Variants in ASB2 observed in about 807,000 individuals in gnomAD.
The protein encoded by ASB2 is ankyrin repeat and SOCS box containing 2.
A neutral mutation model predicts 62.4 loss-of-function variants in ASB2; 58 were observed. The observed-to-expected ratio is 0.93, with a 90% CI of 0.75 to 1.16. The LOEUF (loss-of-function observed/expected upper bound fraction) is 1.16. ASB2 is among the 50% of genes most tolerant of loss of function. The probability of loss-of-function intolerance (pLI) is 0.00; values close to 1 mark genes in which losing one functional copy is unlikely to be tolerated. For missense variants in ASB2, 928 were observed against 887.9 expected, an observed-to-expected ratio of 1.05 and a Z score of -0.57; for synonymous variants, 386 against 385.3, an observed-to-expected ratio of 1.00 and a Z score of -0.02.
chr14:93,938,657 G>T (rs569605474), intron 8 of ASB2, among the ~76,000 whole-genome samples: 5 of 152,298 alleles, frequency 3.3e-5, no homozygotes, highest in African/African-American at 1.2e-4. Context: ...GATCGTGCTT[G>T]TTTCACATCG....
chr14:93,974,953 C>T (rs1043703027), intron 1 of ASB2, among the ~76,000 whole-genome samples: 2 of 152,220 alleles, frequency 1.3e-5, no homozygotes, highest in Non-Finnish European at 2.9e-5. Flanking sequence ...CCTGTTTGTG[C>T]AAGAACAGAT....
chr14:93,970,889 A>G (rs1361979356), intron 1 of ASB2, among the ~76,000 whole-genome samples: 5 of 152,228 alleles, frequency 3.3e-5, no homozygotes, highest in African/African-American at 1.2e-4. Flanking sequence ...ATTAGGTGAC[A>G]GGTATAAATG....
At chr14:93,963,186 G>A (rs1016261895) in intron 2 of ASB2, among the ~76,000 whole-genome samples, 3 of 152,168 alleles carry the variant, frequency 2.0e-5, no homozygotes, top group Non-Finnish European at 2.9e-5. Context: ...ACTGCACATC[G>A]GAAAAAGTCT....
chr14:93,953,303 G>A, intron 5 of ASB2, 49 bp downstream of exon 5: 1 of 1,483,192 alleles, frequency 6.7e-7, no homozygotes, highest in East Asian at 2.4e-5. Flanking sequence ...TGCTCACCCA[G>A]CTTCTGGATT....
intron 8 of ASB2, 70 bp downstream of exon 8, chr14:93,939,038 C>A: frequency 7.5e-7 from 1 of 1,329,694 alleles, no homozygotes; most frequent in Admixed American, 3.4e-5. Flanking sequence ...CCGCCCGCCT[C>A]CCATGCGCGC....
Position 93,956,852 on chromosome 14 carries a change from C to G in ASB2, c.225G>C (p.Glu75Asp). The G allele has an allele frequency of 1.9e-6, 3 of 1,614,206 alleles. No homozygotes were observed. Among genetic ancestry groups the G allele is most frequent in the Non-Finnish European group, 2.5e-6 (3 of 1,180,020 alleles). Reference protein sequence around the residue: ...YPWTRSTAPPESSPARAPMGL... With the variant: ...YPWTRSTAPPDSSPARAPMGL... ...CCATTGGGGCCCGGGCCGGCGAACT[C>G]TCAGGAGGTGCAGTGGACCTGGAGG... The change falls in exon 3 of 10, where the codon GAG (glutamate) becomes GAC (aspartate). Residue 75 changes from glutamate (E) to aspartate (D), a missense_variant. By Grantham distance (45) the Glu-to-Asp change is conservative (BLOSUM62 2). Transcript: ENST00000555019.
rs1888215611 is a variant in ASB2, at chr14:93,934,788, A to G, written c.1776T>C (p.Pro592=). 1 of 1,613,022 alleles carries G rather than the reference A, an allele frequency of 6.2e-7. No homozygotes were observed. The highest frequency in any genetic ancestry group is 1.7e-5 in the Admixed American group (1 of 60,008). ...DWAVIKEKAE[P]PRPLAHLCRL... is the part of the protein sequence containing the mutation. Reference sequence around the variant, plus strand: ...GGCAAAGGTGAGCCAGAGGTCTTGGAGGTTCTGAAAAAAGGAGGGAAAGAC... The same window carrying G: ...GGCAAAGGTGAGCCAGAGGTCTTGGGGGTTCTGAAAAAAGGAGGGAAAGAC... Residue 592 remains proline, a synonymous_variant, in exon 10 of 10, where the codon CCT becomes CCC. Transcript: ENST00000555019.
intron 2 of ASB2, among the ~76,000 whole-genome samples, chr14:93,961,204 A>G (rs535051451): frequency 2.0e-5 from 3 of 152,200 alleles, no homozygotes; most frequent in Non-Finnish European, 4.4e-5. Flanking sequence ...TTTTCACAGG[A>G]ATACTGCAAG....
At chr14:93,947,615 C>A in intron 6 of ASB2, 95 bp from the exon 7 acceptor site, 1 of 1,212,128 alleles carries the variant, frequency 8.2e-7, no homozygotes. Flanking sequence ...CTGTGCTAAC[C>A]ACGGTAATGC....
chr14:93,967,233 C>A (rs935478060), intron 1 of ASB2, among the ~76,000 whole-genome samples: 13 of 152,240 alleles, frequency 8.5e-5, no homozygotes, highest in African/African-American at 3.1e-4. Context: ...TGGCTTCCCA[C>A]TCCTTTGTTG....
At chr14:93,955,949 C>A (rs1282842296) in intron 3 of ASB2, among the ~76,000 whole-genome samples, 1 of 152,162 alleles carries the variant, frequency 6.6e-6, no homozygotes, top group African/African-American at 2.4e-5. Flanking sequence ...TCTCCCTTTT[C>A]CAGATTGTCA....
Position 93,939,649 on chromosome 14 carries a change from A to G in ASB2, c.1076T>C (p.Val359Ala). Residue 359 changes from valine to alanine, a missense_variant, in exon 8 of 10, where the codon GTG becomes GCG. Transcript: ENST00000555019. The part of the protein sequence containing the change: ...NYRIVQMLLP[V>A]TSRTRIRRSG... ...ACGGCGTATGCGCGTGCGGCTGGTC[A>G]CCGGCAGCAGCATCTGCACGATCCT... 10 of 1,509,584 alleles carry G rather than the reference A, an allele frequency of 6.6e-6. No homozygotes were observed. Among genetic ancestry groups the G allele is most frequent in the Non-Finnish European group, 7.9e-6 (9 of 1,136,714 alleles). 93.5% of individuals were successfully genotyped at this position (1,509,584 alleles called of 1,614,324 possible). A position where few individuals can be genotyped will look rare whatever the true frequency, so the allele number is the denominator to read the frequency against.
At chr14:93,960,262 C>G (rs1889363146) in intron 2 of ASB2, among the ~76,000 whole-genome samples, 1 of 152,210 alleles carries the variant, frequency 6.6e-6, no homozygotes, top group Admixed American at 6.5e-5. Flanking sequence ...CAGGGTCCCT[C>G]TGTAACTGAG....
intron 1 of ASB2, among the ~76,000 whole-genome samples, chr14:93,970,682 G>T (rs1277330736): frequency 6.6e-5 from 10 of 152,182 alleles, no homozygotes. Context: ...GCCCTTGGAA[G>T]CACAGCTGTT....
At chr14:93,967,878 A>G (rs893314746) in intron 1 of ASB2, among the ~76,000 whole-genome samples, 1 of 151,866 alleles carries the variant, frequency 6.6e-6, no homozygotes, top group African/African-American at 2.4e-5. Flanking sequence ...CTTACTAGCT[A>G]TATGACCTGG....
intron 9 of ASB2, among the ~76,000 whole-genome samples, chr14:93,936,101 T>G (rs1866349686): frequency 6.6e-6 from 1 of 152,158 alleles, no homozygotes; most frequent in Non-Finnish European, 1.5e-5. Flanking sequence ...TCTGGGAAAC[T>G]CAGCACAGGC....
Position 93,956,768 on chromosome 14 carries a change from C to T in ASB2, c.309G>A (p.Leu103=). ...GGGGCCAGACAGGAGTCACTTACGC[C>T]AGCTGGGAGGTCTTGAACAAGCTGC... ...YSSSLFKTSQ[L]APADPLIKAI... The change falls in exon 3 of 10, where the codon CTG becomes CTA. Residue 103 remains leucine (L), a splice_region_variant and synonymous_variant. Transcript: ENST00000555019. The T allele has an allele frequency of 1.2e-6, 2 of 1,614,162 alleles. No individual in the cohort carries two copies. Among genetic ancestry groups the T allele is most frequent in the Middle Eastern group, 1.7e-4 (1 of 6,056 alleles).
At chr14:93,966,079 G>A (rs1336491746) in intron 1 of ASB2, among the ~76,000 whole-genome samples, 1 of 152,250 alleles carries the variant, frequency 6.6e-6, no homozygotes, top group African/African-American at 2.4e-5. Context: ...GTTCATGGGT[G>A]GACTTGACCC....
At position 93,939,291 on chromosome 14, in the gene ASB2, G is replaced by A; in HGVS notation, c.1434C>T (p.Phe478=). 1 of 1,609,318 alleles carries A rather than the reference G, an allele frequency of 6.2e-7. No individual in the cohort carries two copies. Among genetic ancestry groups the A allele is most frequent in the Non-Finnish European group, 8.5e-7 (1 of 1,176,660 alleles). The change falls in exon 8 of 10, where the codon TTC becomes TTT. Residue 478 remains phenylalanine, a synonymous_variant. Coordinates refer to ENST00000555019, the MANE Select transcript of ASB2 (RefSeq NM_001202429.2). ...DAYIATHPTA[F]PATIMFAMKC... is the part of the protein sequence containing the mutation. ...TCATGGCGAACATGATGGTGGCGGG[G>A]AAGGCGGTGGGGTGCGTGGCGATAT...
Sources: gnomAD v4.1 joint callset for allele counts (sites outside exome capture counted in the v4.1 genomes callset) on GRCh38, gnomAD v4.1.1 for gene constraint, MANE v1.5 for transcripts, NCBI Gene and HGNC (gene_info 2026-07-23, HGNC 2026-07-21) for gene names.